BTG4: variants seen among roughly 807,000 people sequenced by gnomAD.
BTG4 encodes BTG anti-proliferation factor 4.
In BTG4, 10 loss-of-function variants were observed where a neutral mutation model predicts 19.3. That is an observed-to-expected ratio of 0.52 (90% CI 0.32 to 0.88). BTG4 has a LOEUF of 0.88. Among genes scored for constraint, BTG4 ranks in the 40% least tolerant of loss-of-function variants. The probability of loss-of-function intolerance (pLI) is 0.04; values close to 1 mark genes in which losing one functional copy is unlikely to be tolerated. For synonymous variants in BTG4, 91 were observed against 95.7 expected, an observed-to-expected ratio of 0.95 and a Z score of 0.29; for missense variants, 238 against 281.9, an observed-to-expected ratio of 0.84 and a Z score of 1.11.
intron 4 of BTG4, chr11:111,496,728 T>G (rs1865756291): frequency 6.4e-6 from 1 of 155,162 alleles, no homozygotes; most frequent in African/African-American, 2.4e-5. Context: ...TAAGCACTGT[T>G]TCATGAAACT....
the BTG4 span, among the ~76,000 whole-genome samples, chr11:111,392,931 C>A: frequency 2.0e-5 from 3 of 152,132 alleles, no homozygotes; most frequent in Admixed American, 1.3e-4. Flanking sequence ...AGTAAGCACC[C>A]AAAAGGGATA....
At chr11:111,436,643 A>AAC in the BTG4 span, among the ~76,000 whole-genome samples, 2 of 150,698 alleles carry the variant, frequency 1.3e-5, no homozygotes, top group African/African-American at 2.4e-5. Flanking sequence ...AAGAAAAAAA[A>AAC]AAAACAAAAG....
chr11:111,427,761 A>AG, the BTG4 span, among the ~76,000 whole-genome samples: 2 of 152,100 alleles, frequency 1.3e-5, no homozygotes, highest in African/African-American at 4.8e-5. Flanking sequence ...CCCCAAGGGG[A>AG]GGGGTCAGTC....
intron 1 of BTG4, among the ~76,000 whole-genome samples, chr11:111,501,608 G>C (rs1866085287): frequency 6.6e-6 from 1 of 152,146 alleles, no homozygotes; most frequent in Non-Finnish European, 1.5e-5. Context: ...AGTTATTCTA[G>C]TACAGTAGAC....
the BTG4 span, chr11:111,397,881 C>T: frequency 6.6e-6 from 1 of 152,224 alleles, no homozygotes; most frequent in Non-Finnish European, 1.5e-5. Flanking sequence ...TTTGGGATCA[C>T]TGTTTTTAAG....
At chr11:111,487,799 T>C (rs1216433494) in intron 5 of BTG4, among the ~76,000 whole-genome samples, 1 of 152,106 alleles carries the variant, frequency 6.6e-6, no homozygotes, top group Non-Finnish European at 1.5e-5. Context: ...AAAATCAGTA[T>C]CATTTCTATA....
the BTG4 span, among the ~76,000 whole-genome samples, chr11:111,388,328 G>GGT: frequency 1.3e-5 from 2 of 149,256 alleles, no homozygotes; most frequent in African/African-American, 2.5e-5. Context: ...TTGGTTTGGA[G>GGT]GTGTGTGTTT....
chr11:111,422,485 T>C, the BTG4 span, among the ~76,000 whole-genome samples: 7 of 152,194 alleles, frequency 4.6e-5, no homozygotes, highest in Admixed American at 3.9e-4. Flanking sequence ...TGGAAATGCA[T>C]GTGCACACAG....
chr11:111,457,742 C>T, the BTG4 span: 3 of 151,954 alleles, frequency 2.0e-5, no homozygotes, highest in South Asian at 6.3e-4. Context: ...TTCCCTCCCA[C>T]AGCTCACTTC....
chr11:111,476,429 T>C (rs987181647), intron 5 of BTG4, among the ~76,000 whole-genome samples: 6 of 151,936 alleles, frequency 3.9e-5, no homozygotes, highest in Non-Finnish European at 8.8e-5. Context: ...GAAAATAAAA[T>C]AAAAACAGTG....
At chr11:111,487,768 G>T (rs1865155400) in intron 5 of BTG4, among the ~76,000 whole-genome samples, 1 of 152,016 alleles carries the variant, frequency 6.6e-6, no homozygotes. Context: ...TAAAGTTGCA[G>T]GATATAAAAA....
downstream of BTG4, among the ~76,000 whole-genome samples, chr11:111,465,167 G>A (rs74700038): frequency 0.016 from 2,434 of 152,226 alleles, 72 homozygotes; most frequent in African/African-American, 0.056. Flanking sequence ...AGCCAGGTCC[G>A]TTTCAACTCA....
At chr11:111,504,138 G>A (rs1866280702) in intron 1 of BTG4, among the ~76,000 whole-genome samples, 1 of 152,034 alleles carries the variant, frequency 6.6e-6, no homozygotes. Context: ...TTGCTAAAGA[G>A]GGGAAAGGTA....
the BTG4 span, among the ~76,000 whole-genome samples, chr11:111,432,447 C>T: frequency 6.6e-6 from 1 of 152,082 alleles, no homozygotes; most frequent in African/African-American, 2.4e-5. Context: ...AGTTCGAGAC[C>T]AGCCTGGCCA....
At chr11:111,491,270 ATTCTTGTGGTGATGGAAGTG>A (rs1865397727), downstream of BTG4, among the ~76,000 whole-genome samples, 1 of 152,220 alleles carries the variant, frequency 6.6e-6, no homozygotes, top group Admixed American at 6.5e-5. Flanking sequence ...AACAAGAGGA[ATTCTTGTGGTGATGGAAGTG>A]TTCTGTATCT....
At chr11:111,496,846 C>T (rs1865765432) in intron 4 of BTG4, 1 of 265,014 alleles carries the variant, frequency 3.8e-6, no homozygotes, top group African/African-American at 2.2e-5. Flanking sequence ...TTTGACCTTT[C>T]CTATATCCAA....
chr11:111,426,317 T>C, the BTG4 span, among the ~76,000 whole-genome samples: 1 of 152,230 alleles, frequency 6.6e-6, no homozygotes, highest in Middle Eastern at 3.4e-3. Flanking sequence ...AGTGGTTGTA[T>C]CTACACATTG....
the BTG4 span, chr11:111,453,659 T>G: frequency 2.6e-6 from 1 of 378,668 alleles, no homozygotes; most frequent in Non-Finnish European, 5.3e-6. Flanking sequence ...TTTTTCCATC[T>G]TCCAAGATTG....
At chr11:111,475,390 G>T (rs1402207389) in intron 5 of BTG4, 2 of 151,984 alleles carry the variant, frequency 1.3e-5, no homozygotes, top group African/African-American at 4.8e-5. Context: ...AAAACTTTCT[G>T]GGAATGTAAA....
Sources: gnomAD v4.1 joint callset for allele counts (sites outside exome capture counted in the v4.1 genomes callset) on GRCh38, gnomAD v4.1.1 for gene constraint, MANE v1.5 for transcripts, NCBI Gene and HGNC (gene_info 2026-07-23, HGNC 2026-07-21) for gene names.